Variants in ITGB2 observed in about 807,000 individuals in gnomAD.
ITGB2 encodes the protein integrin subunit beta 2, also known as integrin beta-2.
A neutral mutation model predicts 86.8 loss-of-function variants in ITGB2; 56 were observed. That is an observed-to-expected ratio of 0.65 (90% CI 0.52 to 0.81). ITGB2 has a LOEUF of 0.81. ITGB2 is among the 30% of genes least tolerant of loss of function. The pLI is 0.00. For missense variants in ITGB2, 948 were observed against 1,061.2 expected (o/e 0.89, Z 1.48); for synonymous variants, 457 against 450.4 (o/e 1.01, Z -0.19).
At chr21:44,904,433 GCA>G in intron 4 of ITGB2, among the ~76,000 whole-genome samples, 1 of 151,132 alleles carries the variant, frequency 6.6e-6, no homozygotes, top group Non-Finnish European at 1.5e-5. Context: ...GTCACACGTA[GCA>G]CACACGCACC....
At chr21:44,898,183 G>T (rs1052581442) in intron 8 of ITGB2, among the ~76,000 whole-genome samples, 1 of 152,160 alleles carries the variant, frequency 6.6e-6, no homozygotes, top group Non-Finnish European at 1.5e-5. Flanking sequence ...GGTGTCAGCC[G>T]CGCCGCTGTG....
chr21:44,903,919 G>T (rs529199230), intron 4 of ITGB2, among the ~76,000 whole-genome samples: 1 of 152,264 alleles, frequency 6.6e-6, no homozygotes, highest in Non-Finnish European at 1.5e-5. Flanking sequence ...CAGCCACATA[G>T]ACAGGCATCA....
intron 13 of ITGB2, 84 bp from the exon 14 acceptor site, chr21:44,888,979 C>CA: frequency 2.3e-6 from 3 of 1,281,466 alleles, no homozygotes; most frequent in Non-Finnish European, 3.3e-6. Context: ...GTGTGTCCAC[C>CA]AGGGGGGGCA....
intron 5 of ITGB2, among the ~76,000 whole-genome samples, chr21:44,902,695 TTG>T (rs1020428634): frequency 6.6e-6 from 1 of 151,352 alleles, no homozygotes; most frequent in Admixed American, 6.6e-5. Context: ...GAGCATGCAT[TTG>T]TGTGTGAGTG....
At chr21:44,902,710 C>A (rs1239258523) in intron 5 of ITGB2, among the ~76,000 whole-genome samples, 1 of 148,798 alleles carries the variant, frequency 6.7e-6, no homozygotes, top group Non-Finnish European at 1.5e-5. Flanking sequence ...TGTGAGTGTG[C>A]ATTGCATGTG....
At chr21:44,895,570 G>C (rs186967054) in intron 8 of ITGB2, among the ~76,000 whole-genome samples, 168 of 151,004 alleles carry the variant, frequency 1.1e-3, no homozygotes, top group African/African-American at 4.0e-3. Flanking sequence ...GGCCAGGCAT[G>C]ATGGCTCACG....
In ITGB2 at chr21:44,890,131, T is replaced by A. The variant is rs1226405105; in HGVS notation, c.1504A>T (p.Asn502Tyr). 1 of 1,613,284 alleles carries A rather than the reference T, an allele frequency of 6.2e-7. No homozygotes were observed. The highest frequency in any genetic ancestry group is 1.3e-5 in the African/African-American group (1 of 74,902). Reference sequence around the variant, plus strand: ...CCCAGCCCTGAGCAGATGATGGAGTTGTTGTCCTTCCGGCAGCTTCCTTCC... The same window carrying A: ...CCCAGCCCTGAGCAGATGATGGAGTAGTTGTCCTTCCGGCAGCTTCCTTCC... Reference protein sequence around the residue: ...ELEGSCRKDNNSIICSGLGDC... With the variant: ...ELEGSCRKDNYSIICSGLGDC... The change falls in exon 12 of 16, where the codon AAC (asparagine) becomes TAC (tyrosine). Residue 502 changes from asparagine (N) to tyrosine (Y), a missense_variant. Asn to Tyr is a moderately radical substitution (Grantham distance 143). Coordinates refer to ENST00000652462, the MANE Select transcript of ITGB2 (RefSeq NM_000211.5).
chr21:44,925,427 G>T (rs2084360242), upstream of ITGB2, among the ~76,000 whole-genome samples: 1 of 45,454 alleles, frequency 2.2e-5, no homozygotes, highest in Non-Finnish European at 4.7e-5. Context: ...AGGGAGGGAA[G>T]GAAGGAAGGA....
chr21:44,925,219 A>C (rs2084356494), upstream of ITGB2, among the ~76,000 whole-genome samples: 1 of 152,030 alleles, frequency 6.6e-6, no homozygotes, highest in Admixed American at 6.6e-5. Flanking sequence ...ATGCTCTGAA[A>C]TTAGATTGTG....
At chr21:44,919,030 G>GCAC (rs2146563811) in intron 1 of ITGB2, among the ~76,000 whole-genome samples, 1 of 42,376 alleles carries the variant, frequency 2.4e-5, no homozygotes, top group African/African-American at 3.0e-4. Flanking sequence ...GGCACCTGCA[G>GCAC]TTGCTCAGCT....
At chr21:44,920,103 G>A (rs1008518891) in intron 1 of ITGB2, among the ~76,000 whole-genome samples, 1 of 152,140 alleles carries the variant, frequency 6.6e-6, no homozygotes, top group Non-Finnish European at 1.5e-5. Context: ...CCACGGAGGA[G>A]GCAGGGAAGC....
At chr21:44,889,005 C>CTA in intron 13 of ITGB2, 110 bp from the exon 14 acceptor site, 1 of 957,244 alleles carries the variant, frequency 1.0e-6, no homozygotes, top group South Asian at 1.4e-5. Flanking sequence ...GGTTGGGGCG[C>CTA]CCTCAGGCCA....
At chr21:44,925,800 C>T (rs1051841827), upstream of ITGB2, among the ~76,000 whole-genome samples, 3 of 152,138 alleles carry the variant, frequency 2.0e-5, no homozygotes, top group Non-Finnish European at 2.9e-5. Context: ...TGTTAGAGGC[C>T]GGGCGCGGGG....
chr21:44,900,355 G>C lies in ITGB2; in HGVS notation c.862C>G (p.Leu288Val). 6.2e-7 allele frequency: 1 copy of C among 1,614,198 alleles called. No homozygotes were observed. The highest frequency in any genetic ancestry group is 8.5e-7 in the Non-Finnish European group (1 of 1,180,016). Residue 288 changes from leucine to valine, a missense_variant, in exon 7 of 16, where the codon CTG becomes GTG. Physicochemically the swap from Leu to Val is conservative, Grantham distance 32. Coordinates refer to ENST00000652462, the MANE Select transcript of ITGB2 (RefSeq NM_000211.5). ...CTCCTCTTGTACAAGTTGTCCTCCA[G>C]GTGACAGCGGCCGTCGTTGGGGGTC... The part of the protein sequence containing the change: ...ILTPNDGRCH[L>V]EDNLYKRSNE...
chr21:44,898,051 G>C (rs908403066), intron 8 of ITGB2, among the ~76,000 whole-genome samples: 1 of 144,048 alleles, frequency 6.9e-6, no homozygotes, highest in South Asian at 2.2e-4. Flanking sequence ...CTACCCGATG[G>C]GGGTGTCATT....
chr21:44,900,654 A>C (rs906390367), intron 6 of ITGB2, among the ~76,000 whole-genome samples, 179 bp from the exon 7 acceptor site: 2 of 117,714 alleles, frequency 1.7e-5, no homozygotes, highest in African/African-American at 2.6e-5. Context: ...AGGAGGAGAC[A>C]ACGGCCCTCA....
At chr21:44,924,383 T>C (rs1004540013), upstream of ITGB2, among the ~76,000 whole-genome samples, 3 of 152,062 alleles carry the variant, frequency 2.0e-5, no homozygotes, top group African/African-American at 7.3e-5. Context: ...TGAGCCGAGA[T>C]TGTGCCACTG....
intron 3 of ITGB2, chr21:44,908,154 G>T: frequency 1.3e-6 from 1 of 746,102 alleles, no homozygotes; most frequent in African/African-American, 1.7e-5. Flanking sequence ...CGCCGCGGTG[G>T]CGTGGGCTGG....
Position 44,891,801 on chromosome 21 carries a change from C to T in ITGB2, c.1412+8G>A, listed in dbSNP as rs374246622. On this transcript the variant is annotated splice_region_variant and intron_variant, in intron 11 of 15. Transcript: ENST00000652462. Reference sequence around the variant, plus strand: ...GGATGGTTCAACAGGGACCTGCGCCCGCCTCACCTGCAGATGCCGCACTCC... The same window carrying T: ...GGATGGTTCAACAGGGACCTGCGCCTGCCTCACCTGCAGATGCCGCACTCC... The T allele has an allele frequency of 1.2e-4, 200 of 1,602,424 alleles. No individual in the cohort carries two copies. Among genetic ancestry groups the T allele is most frequent in the Admixed American group, 3.7e-4 (22 of 59,994 alleles).
Sources: gnomAD v4.1 joint callset for allele counts (sites outside exome capture counted in the v4.1 genomes callset) on GRCh38, gnomAD v4.1.1 for gene constraint, MANE v1.5 for transcripts, NCBI Gene and HGNC (gene_info 2026-07-23, HGNC 2026-07-21) for gene names.